BTN2A1: variants seen among roughly 807,000 people sequenced by gnomAD.
BTN2A1 encodes butyrophilin, subfamily 2, member A1.
In BTN2A1, 41 loss-of-function variants were observed where a neutral mutation model predicts 34.5. The observed-to-expected ratio is 1.19, with a 90% CI of 0.93 to 1.54. The LOEUF is 1.54. Ranked by LOEUF, BTN2A1 falls within the 40% of genes most tolerant of loss-of-function variation. The pLI is 0.00. For missense variants in BTN2A1, 642 were observed against 662.0 expected (o/e 0.97, Z 0.33); for synonymous variants, 267 against 258.6 (o/e 1.03, Z -0.31).
In BTN2A1 at chr6:26,468,588, T is replaced by C. The variant is rs1763387774; in HGVS notation, c.*39T>C. 1 of 1,613,984 alleles carries C rather than the reference T, an allele frequency of 6.2e-7. No homozygotes were observed. The highest frequency in any genetic ancestry group is 1.3e-5 in the African/African-American group (1 of 74,870). Reference sequence around the variant, plus strand: ...GTCTCACAGCCATGTAGACAAGCCCTGGTCATCTCAGCAGCCACCGCACAA... The same window carrying C: ...GTCTCACAGCCATGTAGACAAGCCCCGGTCATCTCAGCAGCCACCGCACAA... On this transcript the variant is annotated 3_prime_UTR_variant, in exon 8 of 8. Coordinates refer to ENST00000312541, the MANE Select transcript of BTN2A1 (RefSeq NM_007049.5).
chr6:26,462,365 A>T (rs1185485247), intron 3 of BTN2A1, among the ~76,000 whole-genome samples: 3 of 152,190 alleles, frequency 2.0e-5, no homozygotes, highest in South Asian at 4.1e-4. Flanking sequence ...TTCTCCAAGT[A>T]CTATAAGAAA....
intron 4 of BTN2A1, among the ~76,000 whole-genome samples, chr6:26,464,538 G>T (rs1763256734): frequency 6.6e-6 from 1 of 152,118 alleles, no homozygotes; most frequent in South Asian, 2.1e-4. Flanking sequence ...ATGGCAAGGA[G>T]TCATCAGATG....
intron 2 of BTN2A1, 79 bp from the exon 3 acceptor site, chr6:26,459,402 C>A: frequency 6.7e-7 from 1 of 1,491,394 alleles, no homozygotes; most frequent in South Asian, 1.3e-5. Flanking sequence ...AAGTTTGTCC[C>A]TAGAATATCT....
exon 8 of BTN2A1, chr6:26,476,571 A>G (rs908715633): frequency 3.4e-6 from 1 of 292,534 alleles, no homozygotes; most frequent in African/African-American, 2.2e-5. Context: ...GCTGTGTCAC[A>G]AGCCACTGGG....
At position 26,468,004 on chromosome 6, in the gene BTN2A1, C is replaced by G. The variant is rs770628054; in HGVS notation, c.1039C>G (p.Arg347Gly). Residue 347 changes from arginine (R) to glycine (G), a missense_variant, in exon 8 of 8, where the codon CGG (arginine) becomes GGG (glycine). Transcript: ENST00000312541. ...TCCCGATCTCTTCCTGTCAGAGGAC[C>G]GGAGAAGTGTGAGAAGGTGCCCCTT... ...AHPDLFLSED[R>G]RSVRRCPFRH... The G allele has an allele frequency of 1.2e-6, 2 of 1,614,210 alleles. No individual in the cohort carries two copies. The highest frequency in any genetic ancestry group is 1.7e-6 in the Non-Finnish European group (2 of 1,180,028).
At position 26,465,314 on chromosome 6, in the gene BTN2A1, G is replaced by A; in HGVS notation, c.842G>A (p.Gly281Glu). ...KLQKEKKILS[G>E]EKEFERETRE... is the part of the protein sequence containing the mutation. ...CAAAAGGAAAAAAAGATTCTGTCAGGGGAAAAGGAGTTTGAACGGGAAACA... is the reference window on the plus strand; with the variant it reads ...CAAAAGGAAAAAAAGATTCTGTCAGAGGAAAAGGAGTTTGAACGGGAAACA... The change falls in exon 5 of 8, where the codon GGG becomes GAG. Residue 281 changes from glycine to glutamate, a missense_variant. By Grantham distance (98) the Gly-to-Glu change is moderately conservative. Coordinates refer to ENST00000312541, the MANE Select transcript of BTN2A1 (RefSeq NM_007049.5). The A allele has an allele frequency of 6.2e-7, 1 of 1,614,162 alleles. No homozygotes were observed. Among genetic ancestry groups the A allele is most frequent in the Non-Finnish European group, 8.5e-7 (1 of 1,180,032 alleles).
In BTN2A1 at chr6:26,468,752, C is replaced by G. The variant is rs1189017401; in HGVS notation, c.*203C>G. On this transcript the variant is annotated 3_prime_UTR_variant, in exon 8 of 8. Transcript: ENST00000312541. ...GGCTGTGTTTTTAGTAGTTCCTTTG[C>G]TTGTAACTATGGGATGGGATCCAGG... The G allele has an allele frequency of 5.0e-6, 8 of 1,609,426 alleles. No individual in the cohort carries two copies. The highest frequency in any genetic ancestry group is 6.8e-6 in the Non-Finnish European group (8 of 1,177,790).
chr6:26,473,833 C>A (rs2893857), downstream of BTN2A1, among the ~76,000 whole-genome samples: 13,600 of 152,158 alleles, frequency 0.089, 745 homozygotes, highest in Admixed American at 0.13. Flanking sequence ...AGAGGTAGGG[C>A]TGAAACTTTT....
Position 26,463,533 on chromosome 6 carries a change from C to A in BTN2A1, c.712+8C>A, listed in dbSNP as rs1487304336. On this transcript the variant is annotated splice_region_variant and intron_variant, in intron 4 of 7. Coordinates refer to ENST00000312541, the MANE Select transcript of BTN2A1 (RefSeq NM_007049.5). ...GTGTCATTTTTATTCCAGGTTAGTT[C>A]TCTGCCCTCTGAGACTCGTCGAGTG... 1 of 1,611,012 alleles carries A rather than the reference C, an allele frequency of 6.2e-7. No individual in the cohort carries two copies. The highest frequency in any genetic ancestry group is 2.2e-5 in the East Asian group (1 of 44,854).
chr6:26,465,484 C>G, intron 5 of BTN2A1, 78 bp downstream of exon 5: 14 of 1,389,460 alleles, frequency 1.0e-5, no homozygotes, highest in Non-Finnish European at 1.2e-5. Context: ...ATCACTTGAG[C>G]CCTGGAGTTC....
chr6:26,465,081 A>G, intron 4 of BTN2A1, 104 bp from the exon 5 acceptor site: 1 of 918,296 alleles, frequency 1.1e-6, no homozygotes, highest in Non-Finnish European at 1.7e-6. Flanking sequence ...GGGAGAAAGC[A>G]GGAGAGCAGG....
chr6:26,458,455 ATCCCTCTCTCG>A (rs1198578670), intron 1 of BTN2A1, among the ~76,000 whole-genome samples, 141 bp from the exon 2 acceptor site: 1 of 152,198 alleles, frequency 6.6e-6, no homozygotes, highest in Non-Finnish European at 1.5e-5. Flanking sequence ...TGTTTAAGGA[ATCCCTCTCTCG>A]GGACATACCT....
intron 4 of BTN2A1, 112 bp downstream of exon 4, chr6:26,463,637 T>G: frequency 3.3e-5 from 41 of 1,248,890 alleles, no homozygotes; most frequent in Non-Finnish European, 4.3e-5. Context: ...TCCTGGGCCC[T>G]AAGGACCTGG....
At chr6:26,461,875 G>T (rs1184086086) in intron 3 of BTN2A1, among the ~76,000 whole-genome samples, 6 of 149,594 alleles carry the variant, frequency 4.0e-5, no homozygotes, top group Non-Finnish European at 8.9e-5. Context: ...AAAAAAAGTA[G>T]CTGGGCATGG....
rs766992611 is a variant in BTN2A1, at chr6:26,468,276, T to A, written c.1311T>A (p.Pro437=). Residue 437 remains proline (P), a synonymous_variant, in exon 8 of 8, where the codon CCT becomes CCA. Transcript: ENST00000312541. ...HKGQYRAVSS[P]DRILPLKESL... ...GGCAATACCGGGCCGTGTCCTCCCC[T>A]GATAGGATTCTCCCTTTGAAGGAGT... 6.2e-7 allele frequency: 1 copy of A among 1,613,766 alleles called. No individual in the cohort carries two copies. Among genetic ancestry groups the A allele is most frequent in the Non-Finnish European group, 8.5e-7 (1 of 1,179,834 alleles).
chr6:26,468,728 G>T lies in BTN2A1; in HGVS notation c.*179G>T, dbSNP rs1173313722. ...GCCCCAGTTTTCTCCTCCTCACTAGGCTGTGTTTTTAGTAGTTCCTTTGCT... is the reference window on the plus strand; with the variant it reads ...GCCCCAGTTTTCTCCTCCTCACTAGTCTGTGTTTTTAGTAGTTCCTTTGCT... On this transcript the variant is annotated 3_prime_UTR_variant, in exon 8 of 8. Transcript: ENST00000312541. 1 of 1,612,234 alleles carries T rather than the reference G, an allele frequency of 6.2e-7. No individual in the cohort carries two copies. Among genetic ancestry groups the T allele is most frequent in the Non-Finnish European group, 8.5e-7 (1 of 1,179,452 alleles).
Position 26,465,208 on chromosome 6 carries a change from C to T in BTN2A1, c.736C>T (p.Pro246Ser). The change falls in exon 5 of 8, where the codon CCC (proline) becomes TCC (serine). Residue 246 changes from proline (P) to serine (S), a missense_variant. Coordinates refer to ENST00000312541, the MANE Select transcript of BTN2A1 (RefSeq NM_007049.5). ...IPESFMPSVS[P>S]CAVALPIIVV... ...AGAATCCTTTATGCCCAGTGTGTCT[C>T]CCTGTGCAGTGGCCCTGCCTATCAT... 1 of 1,614,084 alleles carries T rather than the reference C, an allele frequency of 6.2e-7. No individual in the cohort carries two copies. Among genetic ancestry groups the T allele is most frequent in the Non-Finnish European group, 8.5e-7 (1 of 1,179,954 alleles).
chr6:26,461,674 T>C (rs1435016071), intron 3 of BTN2A1, among the ~76,000 whole-genome samples: 1 of 152,150 alleles, frequency 6.6e-6, no homozygotes, highest in Non-Finnish European at 1.5e-5. Context: ...TCCCAGCTAC[T>C]TGGGAGGCTG....
rs778785394 is a variant in BTN2A1, at chr6:26,465,374, G to A, written c.902G>A (p.Arg301His). 4.3e-6 allele frequency: 7 copies of A among 1,614,024 alleles called. No homozygotes were observed. The highest frequency in any genetic ancestry group is 1.1e-5 in the South Asian group (1 of 91,084). The change falls in exon 5 of 8, where the codon CGT (arginine) becomes CAT (histidine). Residue 301 changes from arginine to histidine, a missense_variant. Arg to His is a conservative substitution (Grantham distance 29). Coordinates refer to ENST00000312541, the MANE Select transcript of BTN2A1 (RefSeq NM_007049.5). ...EIALKELEKE[R>H]VQKEEELQVK... is the part of the protein sequence containing the mutation. ...GCTCTAAAGGAACTGGAGAAAGAACGTGTGCAAAAAGAGGAAGAACTTCAA... is the reference window on the plus strand; with the variant it reads ...GCTCTAAAGGAACTGGAGAAAGAACATGTGCAAAAAGAGGAAGAACTTCAA...
Sources: gnomAD v4.1 joint callset for allele counts (sites outside exome capture counted in the v4.1 genomes callset) on GRCh38, gnomAD v4.1.1 for gene constraint, MANE v1.5 for transcripts, NCBI Gene and HGNC (gene_info 2026-07-23, HGNC 2026-07-21) for gene names.